SPSB1: variants seen among roughly 807,000 people sequenced by gnomAD.
SPSB1 encodes the protein SPRY domain-containing SOCS box protein 1.
Under a neutral mutation model 21.2 loss-of-function variants are expected in SPSB1, and 8 were observed. The observed-to-expected ratio is 0.38, with a 90% CI of 0.22 to 0.68. The LOEUF (loss-of-function observed/expected upper bound fraction) is 0.68. Among genes scored for constraint, SPSB1 ranks in the 30% least tolerant of loss-of-function variants. SPSB1 has a pLI of 0.53. For missense variants in SPSB1, 242 were observed against 377.8 expected (o/e 0.64, Z 2.98); for synonymous variants, 169 against 161.7 (o/e 1.05, Z -0.34).
At chr1:9,359,249 C>T (rs1640425461) in intron 2 of SPSB1, among the ~76,000 whole-genome samples, 1 of 152,180 alleles carries the variant, frequency 6.6e-6, no homozygotes, top group Non-Finnish European at 1.5e-5. Context: ...TAGATGTGGT[C>T]GTTCTTGGGA....
At chr1:9,340,850 G>A (rs987808939) in intron 1 of SPSB1, among the ~76,000 whole-genome samples, 6 of 152,250 alleles carry the variant, frequency 3.9e-5, no homozygotes, top group Admixed American at 1.3e-4. Flanking sequence ...GCCCAGCAAG[G>A]CGAGCACATG....
At chr1:9,301,791 G>A (rs555653466) in intron 1 of SPSB1, among the ~76,000 whole-genome samples, 15 of 152,308 alleles carry the variant, frequency 9.8e-5, no homozygotes, top group South Asian at 2.1e-4. Flanking sequence ...TGCCAGAAGC[G>A]GAGACTAACA....
intron 1 of SPSB1, chr1:9,339,363 C>G: frequency 3.3e-6 from 3 of 921,992 alleles, no homozygotes; most frequent in Non-Finnish European, 3.9e-6. Context: ...AGGGCTGTGA[C>G]TCACCGCCAG....
At chr1:9,302,451 G>A (rs1342211908) in intron 1 of SPSB1, among the ~76,000 whole-genome samples, 2 of 152,182 alleles carry the variant, frequency 1.3e-5, no homozygotes, top group African/African-American at 4.8e-5. Context: ...CAACTGGGTG[G>A]GGAGGATCTG....
intron 1 of SPSB1, among the ~76,000 whole-genome samples, chr1:9,295,120 G>C (rs914642444): frequency 1.3e-5 from 2 of 152,144 alleles, no homozygotes; most frequent in African/African-American, 4.8e-5. Flanking sequence ...GGCTGGATTA[G>C]ATCATTTAAA....
At chr1:9,326,794 A>G (rs1050760467) in intron 1 of SPSB1, among the ~76,000 whole-genome samples, 8 of 152,208 alleles carry the variant, frequency 5.3e-5, no homozygotes. Flanking sequence ...TCATTCCTGC[A>G]GTTTAGTCTG....
At position 9,335,116 on chromosome 1, in the gene SPSB1, C is replaced by T. The variant is rs1397724939; in HGVS notation, c.-149-20627C>T. On this transcript the variant is annotated intron_variant, in intron 1 of 2. Transcript: ENST00000328089. Reference sequence around the variant, plus strand: ...TATTTTGAGTTTTTTGAGGAATTGCCGTATTGTTTTCTACAGGGCCTGTAA... The same window carrying T: ...TATTTTGAGTTTTTTGAGGAATTGCTGTATTGTTTTCTACAGGGCCTGTAA... Among the ~76,000 whole-genome samples the T allele has an allele frequency of 3.9e-5, 6 of 152,004 alleles. No homozygotes were observed. In the South Asian group the frequency reaches 1.2e-3, roughly 32 times the overall value.
rs57871457 is a variant in SPSB1, at chr1:9,361,156, C to CTTTTTTTTTTTTTTTTTTTTTT, written c.694+4577_694+4598dup. On this transcript the variant is annotated intron_variant, in intron 2 of 2. Transcript: ENST00000328089. ...CAGGCATGGCTGGATCTGTCATTTT[C>CTTTTTTTTTTTTTTTTTTTTTT]TTTTTTTTTTTTTTTTTTTTTTTTT... Among the ~76,000 whole-genome samples the CTTTTTTTTTTTTTTTTTTTTTT allele has an allele frequency of 1.6e-4, 16 of 102,572 alleles. 1 individual carries two copies. The highest frequency in any genetic ancestry group is 5.0e-4 in the African/African-American group (12 of 24,224). 67.3% of individuals were successfully genotyped at this position (102,572 alleles called of 152,430 possible). A position where few individuals can be genotyped will look rare whatever the true frequency, so the allele number is the denominator to read the frequency against.
intron 1 of SPSB1, among the ~76,000 whole-genome samples, chr1:9,353,236 C>CGT (rs1334670506): frequency 2.6e-5 from 4 of 152,006 alleles, no homozygotes; most frequent in Non-Finnish European, 4.4e-5. Flanking sequence ...AGCCTTCCTA[C>CGT]AGCTCAGAAA....
intron 1 of SPSB1, among the ~76,000 whole-genome samples, chr1:9,355,134 C>T (rs1230568096): frequency 3.3e-5 from 5 of 152,226 alleles, no homozygotes; most frequent in African/African-American, 1.2e-4. Context: ...GCGGAGGAGG[C>T]TCCTGGTGCC....
Position 9,367,563 on chromosome 1 carries a change from C to T in SPSB1, c.810C>T (p.Leu270=). The change falls in exon 3 of 3, where the codon CTC becomes CTT. Residue 270 remains leucine, a synonymous_variant. Transcript: ENST00000328089. This position sits in a 1 kb window ranked among gnomAD's most constrained non-coding sequence, Gnocchi z 5.9. Reference sequence around the variant, plus strand: ...TGCCGGCTTCCCTCAAGGCCTACCTCCTCTACCAGTGACGTTCGCCATCAT... The same window carrying T: ...TGCCGGCTTCCCTCAAGGCCTACCTTCTCTACCAGTGACGTTCGCCATCAT... ...LPLPASLKAY[L]LYQ is the part of the protein sequence containing the mutation. The T allele has an allele frequency of 6.2e-7, 1 of 1,609,794 alleles. No individual in the cohort carries two copies. The highest frequency in any genetic ancestry group is 8.5e-7 in the Non-Finnish European group (1 of 1,177,322).
chr1:9,337,950 G>A (rs1001326310), intron 1 of SPSB1, among the ~76,000 whole-genome samples: 4 of 152,212 alleles, frequency 2.6e-5, no homozygotes, highest in Admixed American at 1.3e-4. Flanking sequence ...AGGAAGGGAC[G>A]TGGGTCTGCT....
intron 1 of SPSB1, among the ~76,000 whole-genome samples, chr1:9,330,238 C>T (rs558111058): frequency 1.1e-4 from 16 of 152,232 alleles, no homozygotes; most frequent in Admixed American, 2.6e-4. Flanking sequence ...GAGACTGAGG[C>T]GGGCGGATCA....
chr1:9,339,269 A>G (rs921664827), intron 1 of SPSB1: 1 of 985,236 alleles, frequency 1.0e-6, no homozygotes, highest in African/African-American at 1.7e-5. Flanking sequence ...GTCCCCCGGT[A>G]GGTATCTGGG....
At chr1:9,350,444 A>G (rs1181335039) in intron 1 of SPSB1, among the ~76,000 whole-genome samples, 1 of 152,214 alleles carries the variant, frequency 6.6e-6, no homozygotes, top group Non-Finnish European at 1.5e-5. Context: ...TTTGGGGATG[A>G]AAACTTTCAC....
At chr1:9,325,671 C>T (rs1384821854) in intron 1 of SPSB1, among the ~76,000 whole-genome samples, 1 of 152,128 alleles carries the variant, frequency 6.6e-6, no homozygotes, top group African/African-American at 2.4e-5. Context: ...CCTGTGTTCT[C>T]ACAGGGGACG....
chr1:9,363,907 G>A lies in SPSB1; in HGVS notation c.695-3541G>A, dbSNP rs1197779524. On this transcript the variant is annotated intron_variant, in intron 2 of 2. Coordinates refer to ENST00000328089, the MANE Select transcript of SPSB1 (RefSeq NM_025106.4). This position sits in a 1 kb window ranked among gnomAD's most constrained non-coding sequence, Gnocchi z 4.5. ...ATAGAGATGAGGTTTTGCCACACTG[G>A]CCAGGCTGGTCTCAAACTCCTGACC... is the stretch of plus-strand genomic sequence containing the variant. 6.6e-6 allele frequency among the ~76,000 whole-genome samples: 1 copy of A among 152,156 alleles called. No individual in the cohort carries two copies. Among genetic ancestry groups the A allele is most frequent in the Non-Finnish European group, 1.5e-5 (1 of 68,012 alleles).
intron 1 of SPSB1, among the ~76,000 whole-genome samples, chr1:9,319,709 G>A (rs902364142): frequency 8.5e-5 from 13 of 152,186 alleles, no homozygotes; most frequent in African/African-American, 2.9e-4. Flanking sequence ...GATCTGCAGT[G>A]CAGAGCAGCC....
Position 9,356,846 on chromosome 1 carries a change from A to T in SPSB1, c.694+261A>T, listed in dbSNP as rs1343492166. Reference sequence around the variant, plus strand: ...TGATGAATGAATAGATGGATGAATGATTGGTTGGATGGATGGATGATGAAT... The same window carrying T: ...TGATGAATGAATAGATGGATGAATGTTTGGTTGGATGGATGGATGATGAAT... On this transcript the variant is annotated intron_variant, in intron 2 of 2. Transcript: ENST00000328089. The surrounding 1 kb of genome is among the most constrained non-coding windows in gnomAD (Gnocchi z 7.4). Among the ~76,000 whole-genome samples, 2 of 152,088 alleles carry T rather than the reference A, an allele frequency of 1.3e-5. No individual in the cohort carries two copies. Among genetic ancestry groups the T allele is most frequent in the Admixed American group, 1.3e-4 (2 of 15,260 alleles).
Sources: gnomAD v4.1 joint callset for allele counts (sites outside exome capture counted in the v4.1 genomes callset) on GRCh38, gnomAD v4.1.1 for gene constraint, Gnocchi (gnomAD v3.1) non-coding constraint, MANE v1.5 for transcripts, NCBI Gene and HGNC (gene_info 2026-07-23, HGNC 2026-07-21) for gene names.